The following KIF23 variants were observed in gnomAD, a reference collection of about 807,000 sequenced individuals.
KIF23 encodes the protein kinesin-like protein KIF23.
In KIF23, 30 loss-of-function variants were observed where a neutral mutation model predicts 137.5. The observed-to-expected ratio is 0.22, with a 90% CI of 0.16 to 0.30. KIF23 has a LOEUF of 0.30. Among genes scored for constraint, KIF23 ranks in the 10% least tolerant of loss-of-function variants. KIF23 has a pLI of 1.00. For synonymous variants in KIF23, 367 were observed against 391.1 expected, an observed-to-expected ratio of 0.94 and a Z score of 0.73; for missense variants, 920 against 1,194.3, an observed-to-expected ratio of 0.77 and a Z score of 3.38.
intron 19 of KIF23, among the ~76,000 whole-genome samples, chr15:69,442,597 A>C (rs1419437015): frequency 6.6e-6 from 1 of 152,216 alleles, no homozygotes; most frequent in African/African-American, 2.4e-5. Flanking sequence ...AAGTCTCTTA[A>C]GTTCTTTACT....
At chr15:69,430,441 C>T (rs1189937270) in intron 11 of KIF23, among the ~76,000 whole-genome samples, 1 of 152,080 alleles carries the variant, frequency 6.6e-6, no homozygotes, top group Non-Finnish European at 1.5e-5. Flanking sequence ...TCTGCTGGAG[C>T]GAGCCCATCC....
chr15:69,439,844 T>G (rs2057571281), intron 16 of KIF23, 60 bp from the exon 17 acceptor site: 2 of 1,317,058 alleles, frequency 1.5e-6, no homozygotes, highest in Non-Finnish European at 2.1e-6. Flanking sequence ...GGAAGACTAT[T>G]TTATAGCGAC....
chr15:69,442,069 T>C (rs1438834083), intron 19 of KIF23, among the ~76,000 whole-genome samples: 1 of 152,174 alleles, frequency 6.6e-6, no homozygotes, highest in Non-Finnish European at 1.5e-5. Context: ...AGCTTTTTTT[T>C]CAATCCATGA....
chr15:69,441,148 G>T, intron 19 of KIF23, 69 bp downstream of exon 19: 1 of 1,349,810 alleles, frequency 7.4e-7, no homozygotes, highest in South Asian at 1.5e-5. Flanking sequence ...TGTAACTTGT[G>T]TCTGAAAGTT....
chr15:69,445,836 C>T (rs1356611057), intron 20 of KIF23, among the ~76,000 whole-genome samples, 173 bp from the exon 21 acceptor site: 1 of 152,154 alleles, frequency 6.6e-6, no homozygotes, highest in East Asian at 1.9e-4. Context: ...GAGATATGTA[C>T]TCAAATTTCT....
intron 19 of KIF23, among the ~76,000 whole-genome samples, chr15:69,441,577 A>G (rs1296809810): frequency 6.6e-6 from 1 of 152,198 alleles, no homozygotes; most frequent in Non-Finnish European, 1.5e-5. Context: ...ACCAATTGTT[A>G]CTTGATATAG....
Position 69,436,144 on chromosome 15 carries a change from A to G in KIF23, c.1321A>G (p.Met441Val). ...AEDYEENLQV[M>V]RFAEVTQEVE... Reference sequence around the variant, plus strand: ...CATTTGTTTTGTGTTTTAGCAAGTCATGAGATTTGCGGAAGTGACTCAAGA... The same window carrying G: ...CATTTGTTTTGTGTTTTAGCAAGTCGTGAGATTTGCGGAAGTGACTCAAGA... Residue 441 changes from methionine to valine, a missense_variant, in exon 14 of 24, where the codon ATG becomes GTG. Transcript: ENST00000679126. The G allele has an allele frequency of 6.2e-7, 1 of 1,612,990 alleles. No individual in the cohort carries two copies. The highest frequency in any genetic ancestry group is 8.5e-7 in the Non-Finnish European group (1 of 1,179,704).
At chr15:69,440,210 G>A (rs910390997) in intron 17 of KIF23, 98 bp from the exon 18 acceptor site, 1 of 1,502,226 alleles carries the variant, frequency 6.7e-7, no homozygotes, top group African/African-American at 1.4e-5. Context: ...GGAAGAATTG[G>A]AGAACTGTCA....
At chr15:69,445,968 G>A in intron 20 of KIF23, 41 bp from the exon 21 acceptor site, 1 of 1,340,598 alleles carries the variant, frequency 7.5e-7, no homozygotes, top group Non-Finnish European at 1.1e-6. Context: ...TTTCGTTTGG[G>A]TGTATCAATG....
intron 11 of KIF23, among the ~76,000 whole-genome samples, chr15:69,433,196 T>C (rs2057396948): frequency 1.3e-5 from 2 of 152,190 alleles, no homozygotes; most frequent in South Asian, 2.1e-4. Flanking sequence ...TCATGAATCA[T>C]GGAATATTAC....
At chr15:69,434,872 C>T (rs2057436829) in intron 11 of KIF23, 3 of 756,568 alleles carry the variant, frequency 4.0e-6, no homozygotes, top group South Asian at 1.6e-5. Context: ...TAGTCCATAG[C>T]TGCGCGGCCA....
In KIF23 at chr15:69,414,464, C is replaced by T. The variant is rs142968400; in HGVS notation, c.-2C>T. On this transcript the variant is annotated 5_prime_UTR_variant, in exon 1 of 24. Transcript: ENST00000679126. ...CGTTTGGGCGGCGTGGAGCCTGCTG[C>T]CATGAAGTCAGCGTGAGTACGAGGC... 1,123 of 1,589,234 alleles carry T rather than the reference C, an allele frequency of 7.1e-4. No homozygotes were observed. The highest frequency in any genetic ancestry group is 9.0e-4 in the Non-Finnish European group (1,046 of 1,168,226).
At chr15:69,426,577 G>T in intron 10 of KIF23, 120 bp downstream of exon 10, 2 of 982,136 alleles carry the variant, frequency 2.0e-6, no homozygotes, top group Non-Finnish European at 3.1e-6. Flanking sequence ...AATCAGCCAG[G>T]CATGGTGATG....
intron 10 of KIF23, chr15:69,427,578 GTGTTATAA>G: frequency 2.5e-6 from 1 of 398,798 alleles, no homozygotes; most frequent in Non-Finnish European, 5.0e-6. Context: ...GAAGTGGCTA[GTGTTATAA>G]GTTGTTCATC....
intron 15 of KIF23, among the ~76,000 whole-genome samples, chr15:69,437,676 G>C (rs1225326459): frequency 2.6e-5 from 4 of 151,954 alleles, no homozygotes; most frequent in Non-Finnish European, 5.9e-5. Context: ...GGTCAGGCTG[G>C]TCTCAAACTC....
chr15:69,439,768 G>A, intron 16 of KIF23, 136 bp from the exon 17 acceptor site: 1 of 528,150 alleles, frequency 1.9e-6, no homozygotes, highest in Non-Finnish European at 3.1e-6. Context: ...CAGATGAAAT[G>A]TTAGAGAAAA....
At chr15:69,447,004 A>T in intron 23 of KIF23, 63 bp downstream of exon 23, 2 of 1,354,320 alleles carry the variant, frequency 1.5e-6, no homozygotes, top group African/African-American at 2.9e-5. Context: ...TCTTTACATT[A>T]TCACTCCTTC....
chr15:69,445,761 G>A (rs2057727732), intron 20 of KIF23, among the ~76,000 whole-genome samples: 1 of 152,056 alleles, frequency 6.6e-6, no homozygotes, highest in Non-Finnish European at 1.5e-5. Flanking sequence ...GGAGCAAAAG[G>A]AATATTTTTT....
At chr15:69,447,033 T>C in intron 23 of KIF23, 92 bp downstream of exon 23, 1 of 1,181,688 alleles carries the variant, frequency 8.5e-7, no homozygotes, top group Non-Finnish European at 1.3e-6. Context: ...ATCCACTTAT[T>C]CTTCAGAAGA....
Sources: allele counts gnomAD v4.1 joint callset (sites outside exome capture counted in the v4.1 genomes callset), GRCh38; gene constraint gnomAD v4.1.1; transcripts MANE v1.5; gene names NCBI Gene and HGNC (gene_info 2026-07-23, HGNC 2026-07-21).